Variants in PRKN observed in about 807,000 individuals in gnomAD.
The protein encoded by PRKN is parkin RBR E3 ubiquitin protein ligase.
In PRKN, 56 loss-of-function variants were observed where a neutral mutation model predicts 59.5. That is an observed-to-expected ratio of 0.94 (90% CI 0.76 to 1.18). The LOEUF (loss-of-function observed/expected upper bound fraction) is 1.18. Ranked by LOEUF, PRKN falls within the 50% of genes most tolerant of loss-of-function variation. The probability of loss-of-function intolerance (pLI) is 0.00; values close to 1 mark genes in which losing one functional copy is unlikely to be tolerated. For synonymous variants in PRKN, 250 were observed against 222.1 expected (o/e 1.13, Z -1.12); for missense variants, 657 against 596.4 (o/e 1.10, Z -1.06).
chr6:162,035,962 T>C (rs892391504), intron 5 of PRKN, among the ~76,000 whole-genome samples: 6 of 152,186 alleles, frequency 3.9e-5, no homozygotes, highest in Non-Finnish European at 4.4e-5. Context: ...CTAGAAAAGA[T>C]TTTCATTAAA....
chr6:162,570,693 T>C (rs978604921), intron 1 of PRKN, among the ~76,000 whole-genome samples: 5 of 152,130 alleles, frequency 3.3e-5, no homozygotes, highest in East Asian at 1.9e-4. Context: ...TTGGAAACTA[T>C]TAAATAAGCC....
At chr6:162,243,446 T>A (rs1779072072) in intron 3 of PRKN, among the ~76,000 whole-genome samples, 3 of 152,102 alleles carry the variant, frequency 2.0e-5, no homozygotes, top group African/African-American at 4.8e-5. Flanking sequence ...ATGCTTCAAG[T>A]ATAAACGTAT....
intron 2 of PRKN, among the ~76,000 whole-genome samples, chr6:162,313,018 TATGCTCTCAGGCCAAA>T (rs1782590291): frequency 6.6e-6 from 1 of 152,184 alleles, no homozygotes; most frequent in African/African-American, 2.4e-5. Context: ...TTGATTGACC[TATGCTCTCAGGCCAAA>T]GAAAGAATTA....
At chr6:161,520,583 A>G (rs1357325508) in intron 9 of PRKN, among the ~76,000 whole-genome samples, 1 of 152,184 alleles carries the variant, frequency 6.6e-6, no homozygotes, top group Non-Finnish European at 1.5e-5. Context: ...AAATCTGACC[A>G]TATCCAAAGG....
chr6:162,051,669 C>T (rs1777651460), intron 5 of PRKN, among the ~76,000 whole-genome samples: 1 of 151,920 alleles, frequency 6.6e-6, no homozygotes, highest in African/African-American at 2.4e-5. Context: ...TCCCTGGAAC[C>T]CAGGGTGAGT....
intron 4 of PRKN, among the ~76,000 whole-genome samples, chr6:162,107,376 T>C (rs1381308696): frequency 6.6e-6 from 1 of 151,692 alleles, no homozygotes; most frequent in African/African-American, 2.4e-5. Flanking sequence ...GAGGCAGGAG[T>C]ATCGCATGAA....
At chr6:162,416,430 T>C (rs1056823264) in intron 2 of PRKN, among the ~76,000 whole-genome samples, 3 of 152,178 alleles carry the variant, frequency 2.0e-5, no homozygotes, top group East Asian at 1.9e-4. Context: ...AAGAAAACTA[T>C]GTTTCTGGAG....
chr6:162,450,589 A>G (rs1790579750), intron 1 of PRKN, among the ~76,000 whole-genome samples: 1 of 152,184 alleles, frequency 6.6e-6, no homozygotes, highest in Non-Finnish European at 1.5e-5. Context: ...GCAATGGGCA[A>G]TTTATCTCTG....
At chr6:162,263,388 G>A (rs1461401064) in intron 2 of PRKN, 1 of 171,956 alleles carries the variant, frequency 5.8e-6, no homozygotes, top group Non-Finnish European at 1.3e-5. Flanking sequence ...CGTTTGAGTA[G>A]GCTCCACACA....
chr6:161,406,281 A>G (rs867442767), intron 9 of PRKN, among the ~76,000 whole-genome samples: 8 of 151,926 alleles, frequency 5.3e-5, no homozygotes, highest in Admixed American at 5.3e-4. Flanking sequence ...CCCACTTAGC[A>G]TCTACTTTTC....
At chr6:161,744,315 A>G (rs1033347262) in intron 7 of PRKN, among the ~76,000 whole-genome samples, 1 of 152,078 alleles carries the variant, frequency 6.6e-6, no homozygotes, top group African/African-American at 2.4e-5. Flanking sequence ...TAAGCACCTT[A>G]GATTAAGCCA....
At chr6:161,522,129 G>A (rs938222113) in intron 9 of PRKN, among the ~76,000 whole-genome samples, 1 of 152,238 alleles carries the variant, frequency 6.6e-6, no homozygotes, top group Non-Finnish European at 1.5e-5. Flanking sequence ...GGTTTTCAAC[G>A]TGATATTTAA....
intron 9 of PRKN, among the ~76,000 whole-genome samples, chr6:161,504,969 G>A (rs1192848963): frequency 6.9e-6 from 1 of 145,350 alleles, no homozygotes; most frequent in Admixed American, 6.9e-5. Flanking sequence ...ATTGTGAATA[G>A]TGCTGCAATA....
chr6:162,218,043 CG>C (rs1460627924), intron 3 of PRKN, among the ~76,000 whole-genome samples: 1 of 152,150 alleles, frequency 6.6e-6, no homozygotes, highest in African/African-American at 2.4e-5. Context: ...AACTGCACGC[CG>C]GGGTGACAGG....
rs191161838 is a variant in PRKN at position 162,637,876 on chromosome 6, T to C, written c.7+89786A>G. Among the ~76,000 whole-genome samples the C allele has an allele frequency of 8.5e-5, 13 of 152,250 alleles. No individual in the cohort carries two copies. In the East Asian group the frequency reaches 1.7e-3, roughly 20 times the overall value. ...TTCATGCATTCATTTCCAATTATGGTTGAATAACAGGAAATACAAAAATTT... is the reference window on the plus strand; with the variant it reads ...TTCATGCATTCATTTCCAATTATGGCTGAATAACAGGAAATACAAAAATTT... On this transcript the variant is annotated intron_variant, in intron 1 of 11. Coordinates refer to ENST00000366898, the MANE Select transcript of PRKN (RefSeq NM_004562.3).
At chr6:162,236,003 A>AAG (rs1335831265) in intron 3 of PRKN, among the ~76,000 whole-genome samples, 1 of 150,182 alleles carries the variant, frequency 6.7e-6, no homozygotes, top group African/African-American at 2.5e-5. Flanking sequence ...GAAAGAAAGA[A>AAG]AGAAAGAAAG....
chr6:162,551,905 C>T (rs1779344551), intron 1 of PRKN, among the ~76,000 whole-genome samples: 1 of 152,058 alleles, frequency 6.6e-6, no homozygotes, highest in Non-Finnish European at 1.5e-5. Context: ...TAGTGGAAGA[C>T]ACAGGTAATA....
intron 7 of PRKN, among the ~76,000 whole-genome samples, chr6:161,767,653 G>A (rs1028344445): frequency 2.0e-5 from 3 of 152,182 alleles, no homozygotes; most frequent in Non-Finnish European, 4.4e-5. Flanking sequence ...ATAACACGGT[G>A]GAGAAGTAAA....
At chr6:162,105,306 C>T (rs1780145418) in intron 4 of PRKN, among the ~76,000 whole-genome samples, 1 of 152,140 alleles carries the variant, frequency 6.6e-6, no homozygotes, top group Admixed American at 6.5e-5. Context: ...ATGCTATAAA[C>T]ACAGCCAAAC....
Sources: allele counts gnomAD v4.1 joint callset (sites outside exome capture counted in the v4.1 genomes callset), GRCh38; gene constraint gnomAD v4.1.1; transcripts MANE v1.5; gene names NCBI Gene and HGNC (gene_info 2026-07-23, HGNC 2026-07-21).